The following SCAPER variants were observed in gnomAD, a reference collection of about 807,000 sequenced individuals.
SCAPER encodes S phase cyclin A-associated protein in the endoplasmic reticulum.
A neutral mutation model predicts 182.2 loss-of-function variants in SCAPER; 98 were observed. The ratio of observed to expected loss-of-function variants is 0.54; its 90% confidence interval spans 0.46 to 0.64. The LOEUF (loss-of-function observed/expected upper bound fraction) is 0.64. Ranked by LOEUF, SCAPER falls within the 30% of genes least tolerant of loss-of-function variation. The pLI is 0.00. For synonymous variants in SCAPER, 605 were observed against 564.6 expected, an observed-to-expected ratio of 1.07 and a Z score of -1.01; for missense variants, 1,432 against 1,690.0, an observed-to-expected ratio of 0.85 and a Z score of 2.68.
intron 1 of SCAPER, among the ~76,000 whole-genome samples, chr15:76,886,656 T>C (rs2073856027): frequency 6.6e-6 from 1 of 152,170 alleles, no homozygotes; most frequent in Admixed American, 6.5e-5. Context: ...ACTGGGTATA[T>C]ACCCAAGGGA....
At chr15:76,792,448 T>G (rs988925342) in intron 8 of SCAPER, among the ~76,000 whole-genome samples, 5 of 152,180 alleles carry the variant, frequency 3.3e-5, no homozygotes, top group African/African-American at 1.2e-4. Context: ...CCCATCCCAG[T>G]GCTTACATGC....
At chr15:76,400,444 C>T (rs1223141848) in intron 27 of SCAPER, among the ~76,000 whole-genome samples, 2 of 152,186 alleles carry the variant, frequency 1.3e-5, no homozygotes, top group Non-Finnish European at 2.9e-5. Flanking sequence ...TTGTCACTGT[C>T]ATTTATAGCT....
chr15:76,749,054 T>C (rs1455067219), intron 15 of SCAPER, among the ~76,000 whole-genome samples: 1 of 151,822 alleles, frequency 6.6e-6, no homozygotes, highest in Non-Finnish European at 1.5e-5. Flanking sequence ...ACCAAAGACA[T>C]TACAAGAAAA....
At chr15:76,517,890 A>G (rs985803672) in intron 23 of SCAPER, among the ~76,000 whole-genome samples, 1 of 152,122 alleles carries the variant, frequency 6.6e-6, no homozygotes, top group African/African-American at 2.4e-5. Flanking sequence ...TTATATTAGC[A>G]TTCACTAGCA....
At chr15:76,895,035 C>A (rs532858978) in intron 1 of SCAPER, among the ~76,000 whole-genome samples, 2 of 152,278 alleles carry the variant, frequency 1.3e-5, no homozygotes, top group South Asian at 4.1e-4. Flanking sequence ...TTTCACAAGG[C>A]CAACATTACC....
chr15:76,375,350 A>G (rs2042480302), intron 29 of SCAPER, among the ~76,000 whole-genome samples: 1 of 151,774 alleles, frequency 6.6e-6, no homozygotes, highest in South Asian at 2.1e-4. Flanking sequence ...ACTCTGAGTG[A>G]CCTAAGCGGG....
chr15:76,655,310 G>C (rs2055534957), intron 21 of SCAPER, among the ~76,000 whole-genome samples: 1 of 152,268 alleles, frequency 6.6e-6, no homozygotes, highest in Middle Eastern at 3.4e-3. Flanking sequence ...CTCAGATCAT[G>C]AAGACTAGTT....
intron 20 of SCAPER, among the ~76,000 whole-genome samples, chr15:76,682,990 G>C (rs2057818506): frequency 6.6e-6 from 1 of 152,128 alleles, no homozygotes; most frequent in African/African-American, 2.4e-5. Flanking sequence ...AACTCAAAAA[G>C]CCAGAATGTC....
intron 2 of SCAPER, among the ~76,000 whole-genome samples, chr15:76,869,668 T>C (rs188358889): frequency 5.3e-5 from 8 of 152,224 alleles, no homozygotes; most frequent in Admixed American, 5.2e-4. Flanking sequence ...AAATGAAAAT[T>C]AGTATGCCAT....
chr15:76,482,586 T>C (rs779760201), intron 24 of SCAPER, among the ~76,000 whole-genome samples: 7 of 152,124 alleles, frequency 4.6e-5, no homozygotes, highest in Non-Finnish European at 8.8e-5. Context: ...GATGATATGA[T>C]GGTCTATGTA....
At chr15:76,497,421 C>T (rs2040663355) in intron 24 of SCAPER, among the ~76,000 whole-genome samples, 2 of 151,874 alleles carry the variant, frequency 1.3e-5, no homozygotes, top group Admixed American at 1.3e-4. Context: ...GGGAGCACCA[C>T]ATGGATGGCA....
intron 20 of SCAPER, among the ~76,000 whole-genome samples, chr15:76,689,121 T>G (rs1363322568): frequency 6.6e-6 from 1 of 152,094 alleles, no homozygotes; most frequent in Non-Finnish European, 1.5e-5. Context: ...GTGCTGGGAT[T>G]ACAGGCATGA....
At chr15:76,477,556 T>C (rs2050753317) in intron 24 of SCAPER, among the ~76,000 whole-genome samples, 1 of 152,052 alleles carries the variant, frequency 6.6e-6, no homozygotes, top group Non-Finnish European at 1.5e-5. Flanking sequence ...TATGAAGCCT[T>C]TTGATAGATA....
intron 17 of SCAPER, among the ~76,000 whole-genome samples, chr15:76,707,392 A>G (rs1052246441): frequency 3.9e-5 from 6 of 152,114 alleles, no homozygotes; most frequent in Non-Finnish European, 8.8e-5. Flanking sequence ...CAAGAGACAG[A>G]TCTGAGACAC....
chr15:76,721,587 C>T (rs1265640483), intron 17 of SCAPER, among the ~76,000 whole-genome samples: 2 of 151,988 alleles, frequency 1.3e-5, no homozygotes, highest in Non-Finnish European at 2.9e-5. Flanking sequence ...TTGTTTGTGT[C>T]CTCTTTTATT....
In SCAPER at chr15:76,359,205, C is replaced by G. The variant is rs926074981; in HGVS notation, c.3856-5065G>C. Among the ~76,000 whole-genome samples, 5 of 152,276 alleles carry G rather than the reference C, an allele frequency of 3.3e-5. No individual in the cohort carries two copies. In the South Asian group the frequency reaches 8.3e-4, roughly 25 times the overall value. On this transcript the variant is annotated intron_variant, in intron 29 of 31. Transcript: ENST00000563290. ...AAATGCTTTCCATCATCTTGCCCCC[C>G]TCCCCATCACCCCAGCCCCATCTCT...
intron 14 of SCAPER, among the ~76,000 whole-genome samples, chr15:76,754,593 A>T (rs574909801): frequency 6.6e-6 from 1 of 152,226 alleles, no homozygotes; most frequent in Non-Finnish European, 1.5e-5. Flanking sequence ...AAACAGAAGA[A>T]GCAAAAGCTT....
At chr15:76,719,620 C>A (rs1405499434) in intron 17 of SCAPER, among the ~76,000 whole-genome samples, 2 of 152,050 alleles carry the variant, frequency 1.3e-5, no homozygotes, top group African/African-American at 4.8e-5. Context: ...CTATAGTAAA[C>A]CTTTTACTAT....
chr15:76,664,512 G>A (rs577263111), intron 21 of SCAPER, among the ~76,000 whole-genome samples: 1 of 152,196 alleles, frequency 6.6e-6, no homozygotes, highest in African/African-American at 2.4e-5. Flanking sequence ...GAGCAGGTTT[G>A]TTTTGGACAT....
Sources: allele counts gnomAD v4.1 joint callset (sites outside exome capture counted in the v4.1 genomes callset), GRCh38; gene constraint gnomAD v4.1.1; transcripts MANE v1.5; gene names NCBI Gene and HGNC (gene_info 2026-07-23, HGNC 2026-07-21).